Variants in NCAM1 observed in about 807,000 individuals in gnomAD.
The protein encoded by NCAM1 is antigen recognized by monoclonal antibody 5.1H11.
A neutral mutation model predicts 109.8 loss-of-function variants in NCAM1; 14 were observed. That is an observed-to-expected ratio of 0.13 (90% confidence interval 0.08 to 0.20). The LOEUF (loss-of-function observed/expected upper bound fraction) is 0.20. Among genes scored for constraint, NCAM1 ranks in the 10% least tolerant of loss-of-function variants. The pLI is 1.00. For synonymous variants in NCAM1, 418 were observed against 442.9 expected, an observed-to-expected ratio of 0.94 and a Z score of 0.70; for missense variants, 774 against 1,109.9, an observed-to-expected ratio of 0.70 and a Z score of 4.30.
At chr11:113,052,972 G>A (rs1436787328) in intron 1 of NCAM1, among the ~76,000 whole-genome samples, 3 of 152,154 alleles carry the variant, frequency 2.0e-5, no homozygotes, top group Admixed American at 6.5e-5. Context: ...CTTAGCTTCA[G>A]TTGCATTTCC....
chr11:113,107,597 G>GA (rs1940231756), intron 1 of NCAM1, among the ~76,000 whole-genome samples: 1 of 152,164 alleles, frequency 6.6e-6, no homozygotes, highest in Non-Finnish European at 1.5e-5. Context: ...TGACAGGCAA[G>GA]AGAGAGAATG....
intron 1 of NCAM1, among the ~76,000 whole-genome samples, chr11:112,970,023 A>T (rs17582738): frequency 0.093 from 14,123 of 152,188 alleles, 891 homozygotes; most frequent in Non-Finnish European, 0.14. Context: ...ACCTCCACAG[A>T]TATGAAGGTA....
intron 1 of NCAM1, among the ~76,000 whole-genome samples, chr11:113,018,214 A>G (rs565853969): frequency 2.4e-4 from 36 of 152,126 alleles, no homozygotes; most frequent in African/African-American, 7.7e-4. Context: ...CACAAAATTT[A>G]CCATCTTAAT....
intron 17 of NCAM1, among the ~76,000 whole-genome samples, chr11:113,267,770 C>T (rs548454393): frequency 1.7e-4 from 26 of 152,310 alleles, no homozygotes; most frequent in Non-Finnish European, 3.1e-4. Flanking sequence ...CCTGGATGTG[C>T]GCAGTGCCAG....
chr11:113,091,201 AG>A (rs782366856), intron 1 of NCAM1, among the ~76,000 whole-genome samples: 3 of 152,056 alleles, frequency 2.0e-5, no homozygotes, highest in Non-Finnish European at 4.4e-5. Context: ...AAAAAGGTTA[AG>A]TAACTTGCCC....
intron 1 of NCAM1, among the ~76,000 whole-genome samples, chr11:113,166,640 TA>T: frequency 6.6e-6 from 1 of 152,318 alleles, no homozygotes; most frequent in South Asian, 2.1e-4. Context: ...TGAGTGATGA[TA>T]ACAAATAATG....
intron 1 of NCAM1, among the ~76,000 whole-genome samples, chr11:113,098,797 C>T (rs1939727117): frequency 6.6e-6 from 1 of 152,084 alleles, no homozygotes; most frequent in African/African-American, 2.4e-5. Flanking sequence ...GTTTGTTGGG[C>T]CTGAAATGCT....
At chr11:113,031,036 T>A (rs1952696509) in intron 1 of NCAM1, among the ~76,000 whole-genome samples, 1 of 152,210 alleles carries the variant, frequency 6.6e-6, no homozygotes, top group African/African-American at 2.4e-5. Flanking sequence ...AAACACTGAA[T>A]AAGGGAACAC....
At chr11:113,239,499 C>CTTTTTTTTTTTTTTTTTTTTTT (rs55641415) in intron 14 of NCAM1, among the ~76,000 whole-genome samples, 2 of 110,222 alleles carry the variant, frequency 1.8e-5, no homozygotes, top group African/African-American at 3.6e-5. Flanking sequence ...TGAGTCTCTA[C>CTTTTTTTTTTTTTTTTTTTTTT]TTTTTTTTTT....
intron 1 of NCAM1, among the ~76,000 whole-genome samples, chr11:113,029,230 A>G (rs1307962509): frequency 6.6e-6 from 1 of 152,222 alleles, no homozygotes; most frequent in African/African-American, 2.4e-5. Flanking sequence ...GATGTGCTTC[A>G]GCAAAATAAG....
intron 1 of NCAM1, among the ~76,000 whole-genome samples, chr11:113,002,614 C>A (rs549876926): frequency 6.6e-6 from 1 of 152,142 alleles, no homozygotes; most frequent in South Asian, 2.1e-4. Context: ...CCATCAAGTC[C>A]TTTCTGCCTA....
intron 15 of NCAM1, among the ~76,000 whole-genome samples, chr11:113,253,135 C>T (rs1409405466): frequency 2.0e-5 from 3 of 151,954 alleles, no homozygotes; most frequent in African/African-American, 7.3e-5. Context: ...TTTTCTGAAA[C>T]AAATCTAAAG....
intron 1 of NCAM1, among the ~76,000 whole-genome samples, chr11:113,177,169 C>T (rs1200576701): frequency 1.3e-5 from 2 of 152,138 alleles, no homozygotes; most frequent in Non-Finnish European, 2.9e-5. Flanking sequence ...TTTTAACATA[C>T]CCCTGGTTAG....
At chr11:113,228,620 A>G (rs1555116663) in intron 9 of NCAM1, among the ~76,000 whole-genome samples, 3 of 152,174 alleles carry the variant, frequency 2.0e-5, no homozygotes, top group East Asian at 1.9e-4. Flanking sequence ...AGCCCGCATC[A>G]CCAAGTCAAT....
rs1187806289 is a variant in NCAM1 at position 113,275,538 on chromosome 11, TA to T, written c.*159del. 1.5e-5 allele frequency: 14 copies of T among 956,210 alleles called. No homozygotes were observed. Among genetic ancestry groups the T allele is most frequent in the African/African-American group, 3.4e-5 (2 of 59,680 alleles). The allele number at this position is 956,210 out of a possible 1,614,324, so 59.2% of individuals were successfully genotyped here. On this transcript the variant is annotated 3_prime_UTR_variant, in exon 20 of 20. Coordinates refer to ENST00000316851, the MANE Select transcript of NCAM1 (RefSeq NM_181351.5). The stretch of plus-strand genomic sequence containing the variant: ...TCATTTCTCTAGTGTCTTTTGCCTT[TA>T]AAAAAAACTAAACAGATAAAACATG...
rs532206208 is a variant in NCAM1, at chr11:112,963,662, G to T, written c.52+1998G>T. On this transcript the variant is annotated intron_variant, in intron 1 of 19. Transcript: ENST00000316851. This position sits in a 1 kb window ranked among gnomAD's most constrained non-coding sequence, Gnocchi z 4.6. ...GACCTGTCCACATGGGGCGGGGGAA[G>T]GGGGGTGTTTTTGAGACATCCTCGC... Among the ~76,000 whole-genome samples, 42 of 152,370 alleles carry T rather than the reference G, an allele frequency of 2.8e-4. No individual in the cohort carries two copies. The highest frequency in any genetic ancestry group is 9.9e-4 in the African/African-American group (41 of 41,590).
intron 9 of NCAM1, chr11:113,231,229 CAGAA>C: frequency 6.5e-7 from 1 of 1,536,156 alleles, no homozygotes; most frequent in Non-Finnish European, 8.7e-7. Flanking sequence ...AGTGGGCAGA[CAGAA>C]AGGACAGGCT....
chr11:113,067,913 T>G (rs1206066181), intron 1 of NCAM1, among the ~76,000 whole-genome samples: 6 of 149,244 alleles, frequency 4.0e-5, no homozygotes, highest in African/African-American at 1.5e-4. Flanking sequence ...CAAGTTTTTT[T>G]TTTTTTTTTT....
intron 9 of NCAM1, among the ~76,000 whole-genome samples, chr11:113,230,320 G>T (rs1555116971): frequency 2.0e-5 from 3 of 152,196 alleles, no homozygotes; most frequent in East Asian, 1.9e-4. Flanking sequence ...TCCCAGGGAG[G>T]AATGGCACTT....
Sources: allele counts gnomAD v4.1 joint callset (sites outside exome capture counted in the v4.1 genomes callset), GRCh38; gene constraint gnomAD v4.1.1; non-coding constraint Gnocchi (gnomAD v3.1); transcripts MANE v1.5; gene names NCBI Gene and HGNC (gene_info 2026-07-23, HGNC 2026-07-21).